Variants in TLR3 observed in about 807,000 individuals in gnomAD.
TLR3 encodes toll-like receptor 3.
Under a neutral mutation model 66.4 loss-of-function variants are expected in TLR3, and 43 were observed. The ratio of observed to expected loss-of-function variants is 0.65; its 90% confidence interval spans 0.51 to 0.83. The LOEUF (loss-of-function observed/expected upper bound fraction) is 0.83, where lower values mean the gene tolerates loss of function less well. TLR3 is among the 40% of genes least tolerant of loss of function. The probability of loss-of-function intolerance (pLI) is 0.00; values close to 1 mark genes in which losing one functional copy is unlikely to be tolerated. For missense variants in TLR3, 982 were observed against 1,044.6 expected (o/e 0.94, Z 0.83); for synonymous variants, 397 against 397.2 (o/e 1.00, Z 0.01).
In TLR3 at chr4:186,069,215, C is replaced by T. The variant is rs1245333317; in HGVS notation, c.-41C>T. Reference sequence around the variant, plus strand: ...CCCTGATGAAATGTCTGGATTTGGACTAAAGAAAAAAGGAAAGGCTAGCAG... The same window carrying T: ...CCCTGATGAAATGTCTGGATTTGGATTAAAGAAAAAAGGAAAGGCTAGCAG... On this transcript the variant is annotated 5_prime_UTR_variant, in exon 1 of 5. Transcript: ENST00000296795. 2 of 151,916 alleles carry T rather than the reference C, an allele frequency of 1.3e-5. No individual in the cohort carries two copies. Among genetic ancestry groups the T allele is most frequent in the Non-Finnish European group, 2.9e-5 (2 of 67,974 alleles). The allele number at this position is 151,916 out of a possible 1,614,324, so 9.4% of individuals were successfully genotyped here.
chr4:186,083,690 C>T lies in TLR3; in HGVS notation c.2004C>T (p.Ile668=). ...VNWINETHTN[I]PELSSHYLCN... is the part of the protein sequence containing the mutation. ...GGATTAACGAGACCCATACCAACATCCCTGAGCTGTCAAGCCACTACCTTT... is the reference window on the plus strand; with the variant it reads ...GGATTAACGAGACCCATACCAACATTCCTGAGCTGTCAAGCCACTACCTTT... The change falls in exon 4 of 5, where the codon ATC becomes ATT. Residue 668 remains isoleucine (I), a synonymous_variant. Coordinates refer to ENST00000296795, the MANE Select transcript of TLR3 (RefSeq NM_003265.3). This position sits in a 1 kb window ranked among gnomAD's most constrained non-coding sequence, Gnocchi z 4.0. 1 of 1,601,916 alleles carries T rather than the reference C, an allele frequency of 6.2e-7. No individual in the cohort carries two copies. Among genetic ancestry groups the T allele is most frequent in the Non-Finnish European group, 8.5e-7 (1 of 1,173,720 alleles).
chr4:186,087,356 A>C lies in TLR3; in HGVS notation c.*2483A>C, dbSNP rs2099304531. On this transcript the variant is annotated 3_prime_UTR_variant, in exon 5 of 5. Coordinates refer to ENST00000296795, the MANE Select transcript of TLR3 (RefSeq NM_003265.3). ...CTGACCTAGGTAGGAAGTAACATCC[A>C]GAACTTCTGCAGGCTGTCCTGTGTA... 1.3e-5 allele frequency: 2 copies of C among 152,278 alleles called. No homozygotes were observed. The highest frequency in any genetic ancestry group is 4.8e-5 in the African/African-American group (2 of 41,466). The allele number at this position is 152,278 out of a possible 1,614,324, so 9.4% of individuals were successfully genotyped here. A position where few individuals can be genotyped will look rare whatever the true frequency, so the allele number is the denominator to read the frequency against.
rs1178408378 is a variant in TLR3, at chr4:186,082,319, G to A, written c.634-1G>A. The A allele has an allele frequency of 6.4e-7, 1 of 1,566,220 alleles. No individual in the cohort carries two copies. The highest frequency in any genetic ancestry group is 8.7e-7 in the Non-Finnish European group (1 of 1,152,844). ...AACCTCTTTTTTTTTCCTACCTTTA[G>A]TTTTCTCCAGGGTGTTTTCACGCAA... On this transcript the variant is annotated splice_acceptor_variant, in intron 3 of 4. Transcript: ENST00000296795. LOFTEE classifies it high-confidence loss of function.
At chr4:186,084,622 C>A in intron 4 of TLR3, 23 bp from the exon 5 acceptor site, 1 of 1,487,192 alleles carries the variant, frequency 6.7e-7, no homozygotes, top group South Asian at 1.1e-5. Flanking sequence ...TATATTAATT[C>A]TTCAATACAT....
Position 186,087,526 on chromosome 4 carries a change from T to TC in TLR3, c.*2655dup, listed in dbSNP as rs1217932095. 1 of 152,188 alleles carries TC rather than the reference T, an allele frequency of 6.6e-6. No homozygotes were observed. The highest frequency in any genetic ancestry group is 1.5e-5 in the Non-Finnish European group (1 of 68,032). The allele number at this position is 152,188 out of a possible 1,614,324, so 9.4% of individuals were successfully genotyped here. A position where few individuals can be genotyped will look rare whatever the true frequency, so the allele number is the denominator to read the frequency against. On this transcript the variant is annotated 3_prime_UTR_variant, in exon 5 of 5. Coordinates refer to ENST00000296795, the MANE Select transcript of TLR3 (RefSeq NM_003265.3). ...GGGTGCCATCATGTAATCTGTCCAC[T>TC]CCAACTTCTTCCTGTTTTTCACATT...
Position 186,082,299 on chromosome 4 carries a change from CTTTTT to C in TLR3, c.634-16_634-12del. On this transcript the variant is annotated splice_polypyrimidine_tract_variant and intron_variant, in intron 3 of 4. Transcript: ENST00000296795. The stretch of plus-strand genomic sequence containing the variant: ...TCTGTGTTCTTTTGATTGTTAACCT[CTTTTT>C]TTTTCCTACCTTTAGTTTTCTCCAG... The C allele has an allele frequency of 7.1e-7, 1 of 1,404,376 alleles. No homozygotes were observed. Among genetic ancestry groups the C allele is most frequent in the Non-Finnish European group, 9.6e-7 (1 of 1,038,168 alleles). The allele number at this position is 1,404,376 out of a possible 1,614,324, so 87.0% of individuals were successfully genotyped here.
intron 1 of TLR3, among the ~76,000 whole-genome samples, chr4:186,074,945 G>T (rs777297909): frequency 2.6e-5 from 4 of 151,772 alleles, no homozygotes; most frequent in African/African-American, 2.4e-5. Flanking sequence ...GCCACAACAC[G>T]CACGGACCTG....
At chr4:186,079,402 G>T (rs532761680) in intron 3 of TLR3, among the ~76,000 whole-genome samples, 1 of 152,274 alleles carries the variant, frequency 6.6e-6, no homozygotes, top group Admixed American at 6.5e-5. Context: ...TCACAGTCGG[G>T]TTAGCTGGCT....
rs2099303774 is a variant in TLR3 at position 186,082,846 on chromosome 4, C to A, written c.1160C>A (p.Ser387Tyr). ...GLINLKYLSL[S>Y]NSFTSLRTLT... is the part of the protein sequence containing the mutation. The stretch of plus-strand genomic sequence containing the variant: ...ATAAACCTGAAATACTTAAGTCTAT[C>A]CAACTCCTTTACAAGTTTGCGAACT... Residue 387 changes from serine to tyrosine, a missense_variant, in exon 4 of 5, where the codon TCC (serine) becomes TAC (tyrosine). Transcript: ENST00000296795. The A allele has an allele frequency of 6.2e-7, 1 of 1,613,724 alleles. No homozygotes were observed.
Position 186,087,119 on chromosome 4 carries a change from G to A in TLR3, c.*2246G>A, listed in dbSNP as rs2099304485. 6.6e-6 allele frequency: 1 copy of A among 152,152 alleles called. No homozygotes were observed. Among genetic ancestry groups the A allele is most frequent in the Admixed American group, 6.5e-5 (1 of 15,272 alleles). 9.4% of individuals were successfully genotyped at this position (152,152 alleles called of 1,614,324 possible). A position where few individuals can be genotyped will look rare whatever the true frequency, so the allele number is the denominator to read the frequency against. ...AGGTAGAGTTACAGTGATTTACTTG[G>A]TGGTAGAATGTTGGGATTTTTCCAT... On this transcript the variant is annotated 3_prime_UTR_variant, in exon 5 of 5. Coordinates refer to ENST00000296795, the MANE Select transcript of TLR3 (RefSeq NM_003265.3).
At chr4:186,082,070 C>A (rs2099303588) in intron 3 of TLR3, 3 of 487,344 alleles carry the variant, frequency 6.2e-6, no homozygotes, top group Middle Eastern at 5.7e-4. Flanking sequence ...ACTAAAAATA[C>A]AAAACTTAGC....
Position 186,083,927 on chromosome 4 carries a change from A to T in TLR3, c.2241A>T (p.Ile747=), listed in dbSNP as rs757739788. 1.5e-5 allele frequency: 24 copies of T among 1,613,970 alleles called. No homozygotes were observed. The highest frequency in any genetic ancestry group is 2.7e-5 in the African/African-American group (2 of 74,920). Residue 747 remains isoleucine (I), a synonymous_variant, in exon 4 of 5, where the codon ATA becomes ATT. Coordinates refer to ENST00000296795, the MANE Select transcript of TLR3 (RefSeq NM_003265.3). This position sits in a 1 kb window ranked among gnomAD's most constrained non-coding sequence, Gnocchi z 4.0. ...ATCGAGTTCTTGGTTTCAAAGAAAT[A>T]GACAGACAGACAGAACAGTTTGAAT... The part of the protein sequence containing the change: ...SVHRVLGFKE[I]DRQTEQFEYA...
intron 3 of TLR3, 144 bp downstream of exon 3, chr4:186,079,175 G>T: frequency 1.2e-6 from 1 of 808,046 alleles, no homozygotes; most frequent in Non-Finnish European, 2.0e-6. Flanking sequence ...GGGCATTGGT[G>T]TCATCCTCCT....
intron 3 of TLR3, among the ~76,000 whole-genome samples, chr4:186,079,500 C>A (rs1010000739): frequency 6.6e-6 from 1 of 152,104 alleles, no homozygotes; most frequent in South Asian, 2.1e-4. Context: ...TTCAAATGGG[C>A]GTGATAATGA....
rs750842793 is a variant in TLR3 at position 186,082,844 on chromosome 4, A to G, written c.1158A>G (p.Leu386=). 1.2e-6 allele frequency: 2 copies of G among 1,613,848 alleles called. No individual in the cohort carries two copies. Among genetic ancestry groups the G allele is most frequent in the South Asian group, 2.2e-5 (2 of 91,058 alleles). The change falls in exon 4 of 5, where the codon CTA becomes CTG. Residue 386 remains leucine (L), a synonymous_variant. Coordinates refer to ENST00000296795, the MANE Select transcript of TLR3 (RefSeq NM_003265.3). The part of the protein sequence containing the change: ...TGLINLKYLS[L]SNSFTSLRTL... Reference sequence around the variant, plus strand: ...TGATAAACCTGAAATACTTAAGTCTATCCAACTCCTTTACAAGTTTGCGAA... The same window carrying G: ...TGATAAACCTGAAATACTTAAGTCTGTCCAACTCCTTTACAAGTTTGCGAA...
At chr4:186,069,636 C>A (rs540605849) in intron 1 of TLR3, among the ~76,000 whole-genome samples, 1 of 152,272 alleles carries the variant, frequency 6.6e-6, no homozygotes, top group Admixed American at 6.5e-5. Flanking sequence ...GTTAAAAGAG[C>A]GTATCCCCTT....
intron 2 of TLR3, among the ~76,000 whole-genome samples, chr4:186,078,107 G>T (rs907807449): frequency 6.6e-6 from 1 of 152,154 alleles, no homozygotes; most frequent in African/African-American, 2.4e-5. Flanking sequence ...TCTGGCTAGA[G>T]AAATCATTGC....
chr4:186,082,369 T>C lies in TLR3; in HGVS notation c.683T>C (p.Leu228Pro). ...HAIGRLFGLFLNNVQLGPSLT... is the reference protein window; with the variant it reads ...HAIGRLFGLFPNNVQLGPSLT... ...ATTGGAAGATTATTTGGCCTCTTTCTGAACAATGTCCAGCTGGGTCCCAGC... is the reference window on the plus strand; with the variant it reads ...ATTGGAAGATTATTTGGCCTCTTTCCGAACAATGTCCAGCTGGGTCCCAGC... Residue 228 changes from leucine (L) to proline (P), a missense_variant, in exon 4 of 5, where the codon CTG (leucine) becomes CCG (proline). This residue lies in a region of TLR3 where 313 missense variants were observed against 319.0 expected (regional missense o/e 0.98). Coordinates refer to ENST00000296795, the MANE Select transcript of TLR3 (RefSeq NM_003265.3). 6.2e-7 allele frequency: 1 copy of C among 1,614,100 alleles called. No homozygotes were observed. The highest frequency in any genetic ancestry group is 2.2e-5 in the East Asian group (1 of 44,870).
intron 4 of TLR3, 36 bp downstream of exon 4, chr4:186,084,208 G>C (rs1278646978): frequency 6.3e-7 from 1 of 1,594,634 alleles, no homozygotes; most frequent in Non-Finnish European, 8.6e-7. Flanking sequence ...GTGTGTACTT[G>C]CTTTTCAATT....
Sources: allele counts gnomAD v4.1 joint callset (sites outside exome capture counted in the v4.1 genomes callset), GRCh38; gene constraint gnomAD v4.1.1; regional missense constraint gnomAD v4.1.1; non-coding constraint Gnocchi (gnomAD v3.1); transcripts MANE v1.5; gene names NCBI Gene and HGNC (gene_info 2026-07-23, HGNC 2026-07-21).